Variants in RANBP2 observed in about 807,000 individuals in gnomAD.
RANBP2 encodes the protein RAN binding protein 2.
In RANBP2, 57 loss-of-function variants were observed where a neutral mutation model predicts 303.6. That is an observed-to-expected ratio of 0.19 (90% CI 0.15 to 0.23). RANBP2 has a LOEUF of 0.23. Ranked by LOEUF, RANBP2 falls within the 10% of genes least tolerant of loss-of-function variation. The probability of loss-of-function intolerance (pLI) is 1.00; values close to 1 mark genes in which losing one functional copy is unlikely to be tolerated. For missense variants in RANBP2, 3,138 were observed against 3,780.8 expected, an observed-to-expected ratio of 0.83 and a Z score of 4.46; for synonymous variants, 1,167 against 1,301.5, an observed-to-expected ratio of 0.90 and a Z score of 2.23.
chr2:109,568,057 T>C, the RANBP2 span: 2 of 1,097,632 alleles, frequency 1.8e-6, no homozygotes, highest in South Asian at 3.3e-5. Context: ...TCAAAACTGT[T>C]CATTCTGACA....
chr2:108,928,304 C>A, the RANBP2 span, among the ~76,000 whole-genome samples: 1 of 152,184 alleles, frequency 6.6e-6, no homozygotes, highest in Non-Finnish European at 1.5e-5. Flanking sequence ...CAGGCATCAC[C>A]TCCACAAATC....
the RANBP2 span, among the ~76,000 whole-genome samples, chr2:109,554,395 A>T: frequency 6.6e-6 from 1 of 152,180 alleles, no homozygotes; most frequent in African/African-American, 2.4e-5. Context: ...ATATGTATTC[A>T]TTCATTCATT....
chr2:109,118,996 C>G, the RANBP2 span, among the ~76,000 whole-genome samples: 1 of 152,162 alleles, frequency 6.6e-6, no homozygotes, highest in Admixed American at 6.5e-5. Flanking sequence ...TTAAATTTGA[C>G]TCTGCGATTC....
the RANBP2 span, among the ~76,000 whole-genome samples, chr2:109,484,070 T>TC: frequency 7.1e-6 from 1 of 140,208 alleles, no homozygotes; most frequent in African/African-American, 2.7e-5. Flanking sequence ...GGCCTTTCTT[T>TC]TTTTTTTTTT....
chr2:109,236,492 T>G, the RANBP2 span, among the ~76,000 whole-genome samples: 1 of 152,198 alleles, frequency 6.6e-6, no homozygotes, highest in Non-Finnish European at 1.5e-5. Flanking sequence ...AAAGGTGGTC[T>G]TCTTGGGTCA....
At chr2:109,289,469 G>A in the RANBP2 span, among the ~76,000 whole-genome samples, 3 of 152,206 alleles carry the variant, frequency 2.0e-5, no homozygotes, top group Non-Finnish European at 4.4e-5. Context: ...GCAGGAAATG[G>A]TCTGGGTGGT....
the RANBP2 span, chr2:109,615,899 CAGACTCAACAA>C: frequency 6.2e-7 from 1 of 1,611,778 alleles, no homozygotes; most frequent in African/African-American, 1.3e-5. Flanking sequence ...GTATAAAACC[CAGACTCAACAA>C]AATCCGATTC....
chr2:109,466,351 G>C, the RANBP2 span, among the ~76,000 whole-genome samples: 1 of 152,134 alleles, frequency 6.6e-6, no homozygotes, highest in Non-Finnish European at 1.5e-5. Context: ...AAAGTGCTGG[G>C]ATTATAGGCG....
chr2:108,797,494 GA>G, the RANBP2 span, among the ~76,000 whole-genome samples: 1 of 152,172 alleles, frequency 6.6e-6, no homozygotes, highest in African/African-American at 2.4e-5. Flanking sequence ...ATTCTGAAAT[GA>G]GAGACCTCAG....
chr2:109,284,591 G>A, the RANBP2 span, among the ~76,000 whole-genome samples: 1 of 152,226 alleles, frequency 6.6e-6, no homozygotes, highest in Non-Finnish European at 1.5e-5. Flanking sequence ...GTTTTGGCTG[G>A]ATGAAGGGCA....
At chr2:109,171,821 G>C in the RANBP2 span, among the ~76,000 whole-genome samples, 1 of 152,228 alleles carries the variant, frequency 6.6e-6, no homozygotes, top group Non-Finnish European at 1.5e-5. Context: ...CCTGCCCCAA[G>C]CTGGCCTGTC....
the RANBP2 span, among the ~76,000 whole-genome samples, chr2:109,377,791 C>T: frequency 3.9e-5 from 6 of 152,178 alleles, no homozygotes; most frequent in African/African-American, 9.7e-5. Flanking sequence ...AAGCTCAGTT[C>T]CTCCTGCTCC....
the RANBP2 span, among the ~76,000 whole-genome samples, chr2:109,168,275 T>A: frequency 6.6e-6 from 1 of 152,214 alleles, no homozygotes; most frequent in Non-Finnish European, 1.5e-5. Context: ...GTCTGACTGT[T>A]GGGAAATGAC....
At chr2:109,078,099 T>TGGC in the RANBP2 span, among the ~76,000 whole-genome samples, 20 of 47,852 alleles carry the variant, frequency 4.2e-4, 1 homozygote, top group African/African-American at 2.1e-3. Context: ...TATATATATA[T>TGGC]ATATATATAT....
chr2:109,616,484 C>G, the RANBP2 span: 1 of 168,292 alleles, frequency 5.9e-6, no homozygotes. Context: ...AAAATGCAAA[C>G]TGTAATGAAA....
the RANBP2 span, among the ~76,000 whole-genome samples, chr2:109,629,339 ATATATATATATATATATTTTTTTTTT>A: frequency 1.0e-4 from 1 of 9,730 alleles, no homozygotes; most frequent in African/African-American, 4.1e-4. Flanking sequence ...ATATATATAT[ATATATATATATATATATTTTTTTTTT>A]TTTTTTCATT....
chr2:109,243,127 C>G, the RANBP2 span, among the ~76,000 whole-genome samples: 1 of 152,218 alleles, frequency 6.6e-6, no homozygotes, highest in Non-Finnish European at 1.5e-5. Flanking sequence ...TTCAGGCAGA[C>G]AATTGGGAGC....
chr2:109,708,880 G>A, the RANBP2 span, among the ~76,000 whole-genome samples: 1 of 151,984 alleles, frequency 6.6e-6, no homozygotes, highest in Admixed American at 6.6e-5. Flanking sequence ...GGAGGCTGAG[G>A]CAGGGAGAAT....
chr2:109,625,462 G>A, the RANBP2 span, among the ~76,000 whole-genome samples: 4 of 150,220 alleles, frequency 2.7e-5, no homozygotes, highest in Non-Finnish European at 5.9e-5. Flanking sequence ...AGACCACCCT[G>A]GCTAAGATGG....
Sources: gnomAD v4.1 joint callset for allele counts (sites outside exome capture counted in the v4.1 genomes callset) on GRCh38, gnomAD v4.1.1 for gene constraint, MANE v1.5 for transcripts, NCBI Gene and HGNC (gene_info 2026-07-23, HGNC 2026-07-21) for gene names.